ELN: variants seen among roughly 807,000 people sequenced by gnomAD.
ELN encodes the protein tropoelastin.
In ELN, 65 loss-of-function variants were observed where a neutral mutation model predicts 105.8. That is an observed-to-expected ratio of 0.61 (90% CI 0.50 to 0.75). ELN has a LOEUF of 0.75. Among genes scored for constraint, ELN ranks in the 30% least tolerant of loss-of-function variants. The pLI, the probability that ELN is intolerant of heterozygous loss-of-function variation, is 0.00. For synonymous variants in ELN, 368 were observed against 389.2 expected, an observed-to-expected ratio of 0.95 and a Z score of 0.64; for missense variants, 882 against 969.4, an observed-to-expected ratio of 0.91 and a Z score of 1.20.
At chr7:74,034,155 A>G (rs1789363691) in intron 1 of ELN, among the ~76,000 whole-genome samples, 1 of 152,156 alleles carries the variant, frequency 6.6e-6, no homozygotes, top group South Asian at 2.1e-4. Context: ...AGCCCCACCC[A>G]AGCTCGGCTG....
intron 12 of ELN, among the ~76,000 whole-genome samples, chr7:74,047,075 C>A (rs1299987784): frequency 1.3e-5 from 2 of 151,386 alleles, no homozygotes; most frequent in Non-Finnish European, 2.9e-5. Flanking sequence ...CAGAGTGAGA[C>A]TCTCCTCCAA....
At chr7:74,066,599 T>A in intron 31 of ELN, 133 bp from the exon 32 acceptor site, 1 of 602,888 alleles carries the variant, frequency 1.7e-6, no homozygotes, top group Non-Finnish European at 2.8e-6. Context: ...ATATAAAAAA[T>A]TATATAGTGG....
At position 74,042,650 on chromosome 7, in the gene ELN, C is replaced by T. The variant is rs1468207996; in HGVS notation, c.269C>T (p.Ala90Val). Residue 90 changes from alanine to valine, a missense_variant, in exon 6 of 33, where the codon GCT (alanine) becomes GTT (valine). Ala to Val is a moderately conservative substitution (Grantham distance 64, BLOSUM62 0). Transcript: ENST00000252034. Reference protein sequence around the residue: ...GAFPAVTFPGALVPGGVADAA... With the variant: ...GAFPAVTFPGVLVPGGVADAA... ...TTCCCCGCAGTTACCTTTCCGGGGGCTCTGGTGCCTGGTGGAGTGGCTGAC... is the reference window on the plus strand; with the variant it reads ...TTCCCCGCAGTTACCTTTCCGGGGGTTCTGGTGCCTGGTGGAGTGGCTGAC... 1 of 1,613,694 alleles carries T rather than the reference C, an allele frequency of 6.2e-7. No individual in the cohort carries two copies. The highest frequency in any genetic ancestry group is 1.3e-5 in the African/African-American group (1 of 75,048).
intron 1 of ELN, among the ~76,000 whole-genome samples, chr7:74,029,223 C>A (rs530143377): frequency 6.6e-6 from 1 of 151,884 alleles, no homozygotes; most frequent in African/African-American, 2.4e-5. Flanking sequence ...AATGTGTGTG[C>A]GATGTGGCAC....
intron 14 of ELN, 83 bp from the exon 15 acceptor site, chr7:74,048,420 C>T: frequency 1.2e-6 from 2 of 1,602,800 alleles, no homozygotes; most frequent in Non-Finnish European, 8.5e-7. Context: ...AGTGGATTGG[C>T]TCTCTTGGGG....
At chr7:74,047,604 T>C in intron 12 of ELN, 71 bp from the exon 13 acceptor site, 1 of 1,595,094 alleles carries the variant, frequency 6.3e-7, no homozygotes, top group Non-Finnish European at 8.6e-7. Flanking sequence ...GGGGTAGATC[T>C]GTCCACCCAG....
At chr7:74,046,143 T>C in intron 10 of ELN, 45 bp from the exon 11 acceptor site, 2 of 1,613,980 alleles carry the variant, frequency 1.2e-6, no homozygotes, top group Non-Finnish European at 1.7e-6. Flanking sequence ...TCTGGCCCAG[T>C]GTCCACAGTT....
intron 1 of ELN, among the ~76,000 whole-genome samples, chr7:74,032,709 TC>T (rs1563752307): frequency 6.6e-6 from 1 of 151,470 alleles, no homozygotes; most frequent in Admixed American, 6.6e-5. Flanking sequence ...AGCTAAGTCT[TC>T]CCCCCAGAAA....
At chr7:74,057,538 G>T (rs1554681027) in intron 21 of ELN, 102 bp from the exon 22 acceptor site, 2 of 1,606,846 alleles carry the variant, frequency 1.2e-6, no homozygotes, top group African/African-American at 1.3e-5. Flanking sequence ...GTTGACCAAG[G>T]TCGACTGCAC....
At chr7:74,060,631 T>C in intron 25 of ELN, 130 bp downstream of exon 25, 1 of 1,560,294 alleles carries the variant, frequency 6.4e-7, no homozygotes, top group Non-Finnish European at 8.7e-7. Flanking sequence ...TAGGTTCTCC[T>C]AAGCATCTGG....
chr7:74,052,278 G>A, intron 17 of ELN: 1 of 489,220 alleles, frequency 2.0e-6, no homozygotes, highest in Non-Finnish European at 3.8e-6. Context: ...GGTGCCCAGT[G>A]GTGAGAATTC....
intron 14 of ELN, 37 bp from the exon 15 acceptor site, chr7:74,048,466 T>C: frequency 6.2e-7 from 1 of 1,613,956 alleles, no homozygotes; most frequent in South Asian, 1.1e-5. Flanking sequence ...ACAGGAGCAC[T>C]GTTTCAAGGT....
intron 19 of ELN, 131 bp from the exon 20 acceptor site, chr7:74,056,140 A>G: frequency 3.2e-6 from 4 of 1,236,906 alleles, no homozygotes; most frequent in Non-Finnish European, 3.5e-6. Flanking sequence ...CAGGCATCCC[A>G]GTTTTCTGTC....
intron 18 of ELN, among the ~76,000 whole-genome samples, chr7:74,053,982 G>T (rs1378628068): frequency 6.6e-6 from 1 of 152,058 alleles, no homozygotes; most frequent in Non-Finnish European, 1.5e-5. Context: ...GGGTAGATGG[G>T]TGGATGAATG....
Position 74,068,708 on chromosome 7 carries a change from A to G in ELN, c.*8A>G, listed in dbSNP as rs1554690645. ...GGCCGGAAGAGAAAATGAGCTTCCT[A>G]GGACCCCTGACTCACGACCTCATCA... On this transcript the variant is annotated 3_prime_UTR_variant, in exon 33 of 33. Transcript: ENST00000252034. 1 of 1,613,964 alleles carries G rather than the reference A, an allele frequency of 6.2e-7. No individual in the cohort carries two copies. The highest frequency in any genetic ancestry group is 1.7e-5 in the Admixed American group (1 of 60,006).
At chr7:74,066,199 G>T (rs1325040817) in intron 31 of ELN, among the ~76,000 whole-genome samples, 3 of 152,228 alleles carry the variant, frequency 2.0e-5, no homozygotes, top group Non-Finnish European at 2.9e-5. Context: ...CTGAGCTCAG[G>T]GTTGAGGCCA....
chr7:74,060,057 A>G lies in ELN; in HGVS notation c.1576+10A>G, dbSNP rs1292104121. On this transcript the variant is annotated intron_variant, in intron 23 of 32. Transcript: ENST00000252034. ...CCTGGTGGAGTTGCAGGTGAGTTTCATGAGTCAATGAGCCTGAGGGGCCCC... is the reference window on the plus strand; with the variant it reads ...CCTGGTGGAGTTGCAGGTGAGTTTCGTGAGTCAATGAGCCTGAGGGGCCCC... The G allele has an allele frequency of 1.9e-6, 3 of 1,613,830 alleles. No individual in the cohort carries two copies. The highest frequency in any genetic ancestry group is 1.7e-5 in the Admixed American group (1 of 59,988).
intron 13 of ELN, 95 bp downstream of exon 13, chr7:74,047,811 C>T (rs1792920387): frequency 9.6e-6 from 15 of 1,562,448 alleles, no homozygotes; most frequent in Non-Finnish European, 1.3e-5. Context: ...GCCAGGAGAG[C>T]ACCTCGCTGG....
At chr7:74,061,696 A>C (rs1554684821) in intron 26 of ELN, among the ~76,000 whole-genome samples, 2 of 152,134 alleles carry the variant, frequency 1.3e-5, no homozygotes, top group Non-Finnish European at 2.9e-5. Context: ...TTTCTAGGAC[A>C]CGTTTATGAC....
Sources: gnomAD v4.1 joint callset for allele counts (sites outside exome capture counted in the v4.1 genomes callset) on GRCh38, gnomAD v4.1.1 for gene constraint, MANE v1.5 for transcripts, NCBI Gene and HGNC (gene_info 2026-07-23, HGNC 2026-07-21) for gene names.